The following SIPA1L1 variants were observed in gnomAD, a reference collection of about 807,000 sequenced individuals.
The protein encoded by SIPA1L1 is signal induced proliferation associated 1 like 1.
Under a neutral mutation model 162.7 loss-of-function variants are expected in SIPA1L1, and 26 were observed. The ratio of observed to expected loss-of-function variants is 0.16; its 90% CI spans 0.12 to 0.22. SIPA1L1 has a LOEUF of 0.22. Among genes scored for constraint, SIPA1L1 ranks in the 10% least tolerant of loss-of-function variants. The pLI, the probability that SIPA1L1 is intolerant of heterozygous loss-of-function variation, is 1.00. For synonymous variants in SIPA1L1, 829 were observed against 837.4 expected, an observed-to-expected ratio of 0.99 and a Z score of 0.17; for missense variants, 1,874 against 2,241.0, an observed-to-expected ratio of 0.84 and a Z score of 3.31.
At chr14:71,371,132 T>A (rs1355180189) in intron 2 of SIPA1L1, among the ~76,000 whole-genome samples, 1 of 152,140 alleles carries the variant, frequency 6.6e-6, no homozygotes, top group East Asian at 1.9e-4. Context: ...GACATACTAT[T>A]AGACTAAGTA....
intron 4 of SIPA1L1, among the ~76,000 whole-genome samples, chr14:71,533,288 A>G (rs960155776): frequency 6.6e-6 from 1 of 152,214 alleles, no homozygotes; most frequent in African/African-American, 2.4e-5. Context: ...AGTTGAAGGC[A>G]TTTATAAGTC....
intron 7 of SIPA1L1, among the ~76,000 whole-genome samples, chr14:71,645,289 C>G (rs2042062168): frequency 6.6e-6 from 1 of 152,340 alleles, no homozygotes; most frequent in South Asian, 2.1e-4. Context: ...CTCTCCCCAT[C>G]TGTTAATTGG....
At chr14:71,490,223 AT>A (rs992388937) in intron 2 of SIPA1L1, among the ~76,000 whole-genome samples, 2 of 151,660 alleles carry the variant, frequency 1.3e-5, no homozygotes, top group African/African-American at 2.4e-5. Flanking sequence ...GAAGGACAAT[AT>A]TTTTTTTTCT....
intron 4 of SIPA1L1, among the ~76,000 whole-genome samples, chr14:71,535,306 AG>A (rs2053796314): frequency 6.6e-6 from 1 of 152,226 alleles, no homozygotes; most frequent in South Asian, 2.1e-4. Flanking sequence ...GATAAAAGAA[AG>A]CACCTGTTGA....
In SIPA1L1 at chr14:71,321,123, G is replaced by A. The variant is rs1468311758; in HGVS notation, c.-523G>A. 4 of 152,120 alleles carry A rather than the reference G, an allele frequency of 2.6e-5. No homozygotes were observed. The highest frequency in any genetic ancestry group is 5.9e-5 in the Non-Finnish European group (4 of 68,044). 9.4% of individuals were successfully genotyped at this position (152,120 alleles called of 1,614,324 possible). On this transcript the variant is annotated splice_region_variant and 5_prime_UTR_variant, in exon 2 of 24. Transcript: ENST00000381232. ...TACACGGTTTCTCTTTCTCCCCAGG[G>A]AGAGCGCGCGGCGGACGCGCCCGGG...
At chr14:71,372,995 A>T (rs192423364) in intron 2 of SIPA1L1, among the ~76,000 whole-genome samples, 27 of 152,322 alleles carry the variant, frequency 1.8e-4, no homozygotes, top group Admixed American at 1.7e-3. Context: ...CCTAACAAAC[A>T]TCTAAAGGAA....
chr14:71,487,611 G>A (rs2048878004), intron 2 of SIPA1L1, among the ~76,000 whole-genome samples: 1 of 152,148 alleles, frequency 6.6e-6, no homozygotes, highest in Admixed American at 6.6e-5. Flanking sequence ...AGAGGAGAAA[G>A]GAAGACTACC....
intron 7 of SIPA1L1, among the ~76,000 whole-genome samples, chr14:71,638,108 T>G (rs2041347380): frequency 6.6e-6 from 1 of 152,202 alleles, no homozygotes; most frequent in Non-Finnish European, 1.5e-5. Flanking sequence ...CAGATGGTTT[T>G]CCTGGGAAGT....
intron 12 of SIPA1L1, among the ~76,000 whole-genome samples, chr14:71,681,923 T>C (rs985008221): frequency 9.2e-5 from 14 of 152,256 alleles, no homozygotes; most frequent in African/African-American, 3.1e-4. Flanking sequence ...TCACCTCTTA[T>C]CACGTTTAGC....
chr14:71,611,882 C>T (rs1347162373), intron 5 of SIPA1L1, among the ~76,000 whole-genome samples: 3 of 151,904 alleles, frequency 2.0e-5, no homozygotes, highest in African/African-American at 7.3e-5. Flanking sequence ...ATGTGTATGT[C>T]TAATGAAAAT....
intron 7 of SIPA1L1, among the ~76,000 whole-genome samples, chr14:71,644,830 A>C (rs988898132): frequency 6.6e-6 from 1 of 152,144 alleles, no homozygotes. Context: ...TTTCAAGACA[A>C]TATCTCCCAA....
intron 3 of SIPA1L1, among the ~76,000 whole-genome samples, chr14:71,514,133 A>C (rs1393740682): frequency 6.6e-6 from 1 of 152,220 alleles, no homozygotes; most frequent in Non-Finnish European, 1.5e-5. Flanking sequence ...GAGAAAGTAC[A>C]CTTGGAAGCG....
chr14:71,563,340 A>G lies in SIPA1L1; in HGVS notation c.-302-24231A>G, dbSNP rs1281673084. The stretch of plus-strand genomic sequence containing the variant: ...TTTTTTTAACACGATTTTGTTAAAT[A>G]TCTTCTTTAAAATTTTTTCTGTCTT... On this transcript the variant is annotated intron_variant, in intron 4 of 23. Transcript: ENST00000381232. 2.0e-5 allele frequency among the ~76,000 whole-genome samples: 3 copies of G among 151,498 alleles called. No homozygotes were observed. In the East Asian group the frequency reaches 5.8e-4, roughly 29 times the overall value.
chr14:71,419,175 T>C (rs2042999477), intron 2 of SIPA1L1, among the ~76,000 whole-genome samples: 1 of 152,072 alleles, frequency 6.6e-6, no homozygotes, highest in South Asian at 2.1e-4. Context: ...TGGATGAGCG[T>C]TCAGTAGGTT....
chr14:71,649,981 G>A (rs563666803), intron 7 of SIPA1L1, among the ~76,000 whole-genome samples: 143 of 152,184 alleles, frequency 9.4e-4, no homozygotes, highest in African/African-American at 2.3e-3. Context: ...TAAAAGGGGG[G>A]ACACCATAAA....
chr14:71,692,342 A>G (rs1009130525), intron 13 of SIPA1L1, among the ~76,000 whole-genome samples: 1 of 152,226 alleles, frequency 6.6e-6, no homozygotes, highest in African/African-American at 2.4e-5. Flanking sequence ...GAGCTTTTCT[A>G]AAATTGACTC....
intron 2 of SIPA1L1, among the ~76,000 whole-genome samples, chr14:71,337,309 G>A (rs921301796): frequency 2.6e-5 from 4 of 152,150 alleles, no homozygotes; most frequent in Admixed American, 2.0e-4. Context: ...TGGAGGCCAG[G>A]TGCGGTGGTT....
At chr14:71,373,331 T>C (rs2039068170) in intron 2 of SIPA1L1, among the ~76,000 whole-genome samples, 1 of 149,454 alleles carries the variant, frequency 6.7e-6, no homozygotes, top group Admixed American at 6.7e-5. Flanking sequence ...AAAAAAAAGT[T>C]ACCAGTATTG....
intron 19 of SIPA1L1, among the ~76,000 whole-genome samples, chr14:71,727,081 C>T (rs2084310683): frequency 6.6e-6 from 1 of 152,042 alleles, no homozygotes; most frequent in South Asian, 2.1e-4. Context: ...AGAGCAAGGA[C>T]CTCAAGAACA....
Sources: allele counts gnomAD v4.1 joint callset (sites outside exome capture counted in the v4.1 genomes callset), GRCh38; gene constraint gnomAD v4.1.1; transcripts MANE v1.5; gene names NCBI Gene and HGNC (gene_info 2026-07-23, HGNC 2026-07-21).